AGBL4: variants seen among roughly 807,000 people sequenced by gnomAD.
The protein encoded by AGBL4 is AGBL carboxypeptidase 4.
Under a neutral mutation model 66.4 loss-of-function variants are expected in AGBL4, and 58 were observed. The ratio of observed to expected loss-of-function variants is 0.87; its 90% CI spans 0.71 to 1.09. The LOEUF is 1.09. AGBL4 is among the 50% of genes least tolerant of loss of function. AGBL4 has a pLI of 0.00. For synonymous variants in AGBL4, 234 were observed against 222.9 expected (o/e 1.05, Z -0.44); for missense variants, 579 against 631.0 (o/e 0.92, Z 0.88).
chr1:49,118,331 C>T (rs113347754), intron 4 of AGBL4, among the ~76,000 whole-genome samples: 2 of 152,108 alleles, frequency 1.3e-5, no homozygotes, highest in African/African-American at 4.8e-5. Flanking sequence ...TTTGCCTATT[C>T]AGTATGATAT....
chr1:48,846,820 AT>A (rs953326110), intron 6 of AGBL4, among the ~76,000 whole-genome samples: 63 of 147,466 alleles, frequency 4.3e-4, no homozygotes, highest in African/African-American at 6.2e-4. Context: ...TGTGTCATGT[AT>A]TTTTTTTTTT....
At chr1:49,673,898 T>C (rs967973178) in intron 3 of AGBL4, among the ~76,000 whole-genome samples, 1 of 151,986 alleles carries the variant, frequency 6.6e-6, no homozygotes, top group Admixed American at 6.6e-5. Context: ...AAGAGGAAAG[T>C]GCATAGAGGG....
intron 4 of AGBL4, among the ~76,000 whole-genome samples, chr1:49,186,430 C>T (rs1229724692): frequency 6.6e-6 from 1 of 152,148 alleles, no homozygotes; most frequent in African/African-American, 2.4e-5. Context: ...GTCTTATAGT[C>T]ATATTTGTCC....
intron 5 of AGBL4, among the ~76,000 whole-genome samples, chr1:49,031,725 G>A (rs930962322): frequency 6.6e-6 from 1 of 152,058 alleles, no homozygotes; most frequent in Non-Finnish European, 1.5e-5. Context: ...AGATTTCATA[G>A]GAGAGACTAG....
At chr1:50,017,982 GAC>G (rs1662118974) in intron 1 of AGBL4, among the ~76,000 whole-genome samples, 1 of 151,954 alleles carries the variant, frequency 6.6e-6, no homozygotes, top group African/African-American at 2.4e-5. Context: ...ACAAAGCCAA[GAC>G]ACAGAGATTC....
chr1:49,649,569 G>A (rs1376360389), intron 3 of AGBL4, among the ~76,000 whole-genome samples: 1 of 152,082 alleles, frequency 6.6e-6, no homozygotes, highest in African/African-American at 2.4e-5. Context: ...CCAGCAGGCA[G>A]AAAATCAATA....
At chr1:49,702,835 G>A (rs1228973067) in intron 2 of AGBL4, among the ~76,000 whole-genome samples, 1 of 151,806 alleles carries the variant, frequency 6.6e-6, no homozygotes, top group Non-Finnish European at 1.5e-5. Context: ...TTAAAATAAA[G>A]ACCAAAAACA....
intron 11 of AGBL4, 127 bp from the exon 12 acceptor site, chr1:48,539,865 G>T: frequency 1.9e-6 from 1 of 539,626 alleles, no homozygotes; most frequent in Non-Finnish European, 3.0e-6. Context: ...CTTTTTGTAT[G>T]CGCTGTCTTT....
intron 1 of AGBL4, among the ~76,000 whole-genome samples, chr1:49,997,307 G>A (rs1660440977): frequency 1.3e-5 from 2 of 152,140 alleles, no homozygotes; most frequent in South Asian, 4.1e-4. Flanking sequence ...CTGTCTTCAA[G>A]AGACTTGCCT....
At chr1:49,655,565 G>A (rs960963980) in intron 3 of AGBL4, among the ~76,000 whole-genome samples, 1 of 152,104 alleles carries the variant, frequency 6.6e-6, no homozygotes, top group African/African-American at 2.4e-5. Context: ...TGTGTAGAGG[G>A]AAATTTATAG....
At chr1:49,681,247 C>A (rs1011322717) in intron 3 of AGBL4, among the ~76,000 whole-genome samples, 3 of 152,114 alleles carry the variant, frequency 2.0e-5, no homozygotes, top group Non-Finnish European at 4.4e-5. Flanking sequence ...GAGATTTCCC[C>A]AGTTCTTGCT....
chr1:49,845,624 T>G, intron 2 of AGBL4: 1 of 1,607,794 alleles, frequency 6.2e-7, no homozygotes, highest in Non-Finnish European at 8.5e-7. Flanking sequence ...ATCACACCAC[T>G]GATTCAGCAC....
intron 4 of AGBL4, among the ~76,000 whole-genome samples, chr1:49,173,588 A>T (rs1342229673): frequency 6.6e-6 from 1 of 152,246 alleles, no homozygotes; most frequent in Non-Finnish European, 1.5e-5. Context: ...AGTTCACATT[A>T]TAGTGGGAAA....
chr1:49,066,939 T>A (rs949865526), intron 4 of AGBL4, among the ~76,000 whole-genome samples: 1 of 152,174 alleles, frequency 6.6e-6, no homozygotes, highest in African/African-American at 2.4e-5. Context: ...AATGCTAAAT[T>A]CGGCAACACA....
intron 2 of AGBL4, among the ~76,000 whole-genome samples, chr1:49,836,708 G>T (rs377365917): frequency 6.6e-6 from 1 of 152,092 alleles, no homozygotes; most frequent in Non-Finnish European, 1.5e-5. Flanking sequence ...CCTCATCTTC[G>T]TGTATTTATA....
At chr1:48,529,940 A>G (rs766582087), downstream of AGBL4, among the ~76,000 whole-genome samples, 1 of 152,192 alleles carries the variant, frequency 6.6e-6, no homozygotes, top group Non-Finnish European at 1.5e-5. Flanking sequence ...GGAAGAAGGC[A>G]GGGCTTCAGC....
rs540324679 is a variant in AGBL4 at position 49,155,038 on chromosome 1, C to A, written c.377+90732G>T. ...ATTTACCATTCTTTAAAACAGTGCA[C>A]TCTTCTTCACAGATATTTTTCTTAG... On this transcript the variant is annotated intron_variant, in intron 4 of 13. Coordinates refer to ENST00000371839, the MANE Select transcript of AGBL4 (RefSeq NM_032785.4). 4.0e-4 allele frequency among the ~76,000 whole-genome samples: 61 copies of A among 152,316 alleles called. 1 individual carries two copies. Among genetic ancestry groups the A allele is most frequent in the African/African-American group, 1.4e-3 (60 of 41,582 alleles).
chr1:50,022,459 T>C lies in AGBL4; in HGVS notation c.34+1304A>G, dbSNP rs115471161. Among the ~76,000 whole-genome samples, 331 of 152,166 alleles carry C rather than the reference T, an allele frequency of 2.2e-3. 1 individual carries two copies. The highest frequency in any genetic ancestry group is 3.7e-3 in the Non-Finnish European group (251 of 68,002). On this transcript the variant is annotated intron_variant, in intron 1 of 13. Coordinates refer to ENST00000371839, the MANE Select transcript of AGBL4 (RefSeq NM_032785.4). ...TCAAGTTATGAGGGAGCTAAAACTA[T>C]AAAATGAGTAGAGGAGCTACTCAAT...
intron 3 of AGBL4, among the ~76,000 whole-genome samples, chr1:49,440,368 A>G: frequency 6.6e-6 from 1 of 152,150 alleles, no homozygotes; most frequent in Admixed American, 6.6e-5. Flanking sequence ...GCGCCCAGCC[A>G]GGACTCTGCT....
Sources: allele counts gnomAD v4.1 joint callset (sites outside exome capture counted in the v4.1 genomes callset), GRCh38; gene constraint gnomAD v4.1.1; transcripts MANE v1.5; gene names NCBI Gene and HGNC (gene_info 2026-07-23, HGNC 2026-07-21).